TSHZ2: variants seen among roughly 807,000 people sequenced by gnomAD.
TSHZ2 encodes the protein teashirt homolog 2.
A neutral mutation model predicts 74.4 loss-of-function variants in TSHZ2; 21 were observed. The ratio of observed to expected loss-of-function variants is 0.28; its 90% confidence interval spans 0.20 to 0.41. The LOEUF (loss-of-function observed/expected upper bound fraction) is 0.41. Among genes scored for constraint, TSHZ2 ranks in the 10% least tolerant of loss-of-function variants. The probability of loss-of-function intolerance (pLI) is 1.00; values close to 1 mark genes in which losing one functional copy is unlikely to be tolerated. For missense variants in TSHZ2, 1,244 were observed against 1,293.5 expected, an observed-to-expected ratio of 0.96 and a Z score of 0.59; for synonymous variants, 540 against 515.3, an observed-to-expected ratio of 1.05 and a Z score of -0.65.
chr20:53,230,728 T>C (rs1989804587), intron 1 of TSHZ2, among the ~76,000 whole-genome samples: 1 of 151,894 alleles, frequency 6.6e-6, no homozygotes, highest in South Asian at 2.1e-4. Flanking sequence ...TCGTCTTTAC[T>C]AAAAATACAA....
chr20:53,039,759 G>A (rs1983966700), intron 1 of TSHZ2, among the ~76,000 whole-genome samples: 1 of 140,068 alleles, frequency 7.1e-6, no homozygotes, highest in African/African-American at 2.8e-5. Flanking sequence ...TAGCCTGGGT[G>A]ACAGAGCTAG....
intron 2 of TSHZ2, among the ~76,000 whole-genome samples, chr20:53,281,698 G>A (rs1236950744): frequency 6.6e-6 from 1 of 152,182 alleles, no homozygotes; most frequent in African/African-American, 2.4e-5. Context: ...GGTTTCTCAG[G>A]AATGTGCTCC....
At chr20:53,089,997 C>T (rs1985828290) in intron 1 of TSHZ2, among the ~76,000 whole-genome samples, 1 of 152,240 alleles carries the variant, frequency 6.6e-6, no homozygotes, top group African/African-American at 2.4e-5. Context: ...GTCCAAATCC[C>T]TAAACCTCAA....
At chr20:53,096,321 T>G (rs1986045181) in intron 1 of TSHZ2, among the ~76,000 whole-genome samples, 1 of 152,120 alleles carries the variant, frequency 6.6e-6, no homozygotes, top group East Asian at 1.9e-4. Context: ...TTTTGTATTA[T>G]TAGTAGAGAC....
chr20:53,485,161 G>A (rs1986259590), intron 2 of TSHZ2, among the ~76,000 whole-genome samples: 1 of 152,114 alleles, frequency 6.6e-6, no homozygotes, highest in African/African-American at 2.4e-5. Flanking sequence ...CCACACTTAA[G>A]AATTTAAGCC....
At chr20:53,337,501 C>CTGGA (rs1431973416) in intron 2 of TSHZ2, among the ~76,000 whole-genome samples, 2 of 152,162 alleles carry the variant, frequency 1.3e-5, no homozygotes, top group Admixed American at 6.5e-5. Context: ...ACCACAGAGG[C>CTGGA]TGGAGCTGGA....
intron 1 of TSHZ2, among the ~76,000 whole-genome samples, chr20:53,073,540 G>A (rs1985268207): frequency 6.6e-6 from 1 of 152,156 alleles, no homozygotes; most frequent in Non-Finnish European, 1.5e-5. Flanking sequence ...ATTTCTAGAT[G>A]CTGGGCTACT....
intron 1 of TSHZ2, among the ~76,000 whole-genome samples, chr20:53,068,831 T>A (rs1985078560): frequency 6.6e-6 from 1 of 152,114 alleles, no homozygotes; most frequent in African/African-American, 2.4e-5. Flanking sequence ...CGCTGCAACT[T>A]AATTTTGGCT....
At chr20:53,043,712 G>A (rs1984126773) in intron 1 of TSHZ2, among the ~76,000 whole-genome samples, 1 of 151,716 alleles carries the variant, frequency 6.6e-6, no homozygotes, top group South Asian at 2.1e-4. Context: ...TTCGAATATA[G>A]GATTTGTATA....
At chr20:53,403,736 A>C (rs906670205) in intron 2 of TSHZ2, among the ~76,000 whole-genome samples, 3 of 152,192 alleles carry the variant, frequency 2.0e-5, no homozygotes, top group African/African-American at 7.2e-5. Flanking sequence ...GAAGCATATC[A>C]ATAGTGGATT....
chr20:53,409,873 G>T (rs1198451301), intron 2 of TSHZ2, among the ~76,000 whole-genome samples: 13 of 89,318 alleles, frequency 1.5e-4, no homozygotes, highest in East Asian at 3.8e-4. Context: ...TTGAGACGGA[G>T]TCTTGTTCCG....
chr20:53,297,803 A>C (rs1164642153), intron 2 of TSHZ2, among the ~76,000 whole-genome samples: 1 of 152,240 alleles, frequency 6.6e-6, no homozygotes, highest in East Asian at 1.9e-4. Flanking sequence ...TGTTATAATT[A>C]GGCCCATGCC....
intron 1 of TSHZ2, among the ~76,000 whole-genome samples, chr20:53,205,731 C>A (rs529482261): frequency 1.3e-5 from 2 of 152,236 alleles, no homozygotes; most frequent in South Asian, 2.1e-4. Context: ...AATGAATACT[C>A]CTCCTGCTCC....
chr20:53,343,069 C>A (rs1446386493), intron 2 of TSHZ2, among the ~76,000 whole-genome samples: 1 of 146,042 alleles, frequency 6.8e-6, no homozygotes. Context: ...CGGGTTCAAG[C>A]GATTCTCCTG....
In TSHZ2 at chr20:52,995,507, A is replaced by C. The variant is rs920324267; in HGVS notation, c.40+22174A>C. On this transcript the variant is annotated intron_variant, in intron 1 of 2. Transcript: ENST00000371497. ...AAAAGGGAGGAATGCATGCAGAGCCAGCAGAGTCCATAGCTGTCCACTACA... is the reference window on the plus strand; with the variant it reads ...AAAAGGGAGGAATGCATGCAGAGCCCGCAGAGTCCATAGCTGTCCACTACA... Among the ~76,000 whole-genome samples the C allele has an allele frequency of 2.0e-5, 3 of 152,364 alleles. No individual in the cohort carries two copies. In the South Asian group the frequency reaches 6.2e-4, roughly 32 times the overall value.
At chr20:53,332,170 C>A (rs1600814651) in intron 2 of TSHZ2, among the ~76,000 whole-genome samples, 2 of 152,090 alleles carry the variant, frequency 1.3e-5, no homozygotes, top group South Asian at 2.1e-4. Flanking sequence ...TGGGACTCAC[C>A]CTGCCGAAGC....
intron 1 of TSHZ2, among the ~76,000 whole-genome samples, chr20:53,197,646 T>C (rs974484447): frequency 1.3e-5 from 2 of 152,200 alleles, no homozygotes; most frequent in East Asian, 3.8e-4. Flanking sequence ...AAACAAAGTT[T>C]TTGATATTTA....
chr20:53,202,772 A>G (rs1349788706), intron 1 of TSHZ2, among the ~76,000 whole-genome samples: 1 of 152,162 alleles, frequency 6.6e-6, no homozygotes, highest in Non-Finnish European at 1.5e-5. Context: ...CAGGTTTAGC[A>G]TTGGAAGCTA....
chr20:52,992,163 A>G (rs1242721932), intron 1 of TSHZ2, among the ~76,000 whole-genome samples: 1 of 152,186 alleles, frequency 6.6e-6, no homozygotes, highest in Non-Finnish European at 1.5e-5. Context: ...TCCATGCCAC[A>G]TGTTCTATCG....
Sources: allele counts gnomAD v4.1 joint callset (sites outside exome capture counted in the v4.1 genomes callset), GRCh38; gene constraint gnomAD v4.1.1; transcripts MANE v1.5; gene names NCBI Gene and HGNC (gene_info 2026-07-23, HGNC 2026-07-21).